ABCC1: variants seen among roughly 807,000 people sequenced by gnomAD.
The protein encoded by ABCC1 is ATP binding cassette subfamily C member 1 (ABCC1 blood group).
In ABCC1, 83 loss-of-function variants were observed where a neutral mutation model predicts 172.9. The observed-to-expected ratio is 0.48, with a 90% CI of 0.40 to 0.58. ABCC1 has a LOEUF of 0.58. Ranked by LOEUF, ABCC1 falls within the 20% of genes least tolerant of loss-of-function variation. The pLI, the probability that ABCC1 is intolerant of heterozygous loss-of-function variation, is 0.00. For missense variants in ABCC1, 1,817 were observed against 2,002.7 expected, an observed-to-expected ratio of 0.91 and a Z score of 1.77; for synonymous variants, 937 against 825.2, an observed-to-expected ratio of 1.14 and a Z score of -2.32.
intron 4 of ABCC1, among the ~76,000 whole-genome samples, chr16:16,015,374 G>A (rs528093806): frequency 7.9e-4 from 120 of 152,198 alleles, no homozygotes; most frequent in African/African-American, 2.6e-3. Context: ...ACTTGACTTC[G>A]TGATCCACCC....
At chr16:15,974,314 G>C (rs2046434982) in intron 1 of ABCC1, among the ~76,000 whole-genome samples, 1 of 152,146 alleles carries the variant, frequency 6.6e-6, no homozygotes, top group Admixed American at 6.6e-5. Flanking sequence ...AAGGCAGCTT[G>C]AGATTATCAG....
At chr16:16,105,538 G>A (rs2052044512) in intron 20 of ABCC1, 1 of 152,212 alleles carries the variant, frequency 6.6e-6, no homozygotes, top group Admixed American at 6.6e-5. Flanking sequence ...TTCAGGAAGT[G>A]TTTTCAGGGG....
rs200922662 is a variant in ABCC1, at chr16:16,131,855, C to T, written c.3886C>T (p.Arg1296Trp). Residue 1296 changes from arginine (R) to tryptophan (W), a missense_variant, in exon 27 of 31, where the codon CGG becomes TGG. Arg to Trp is a moderately radical substitution (Grantham distance 101). This residue lies in a region of ABCC1 where 1,412 missense variants were observed against 1,600.3 expected (regional missense o/e 0.88). Coordinates refer to ENST00000399410, the MANE Select transcript of ABCC1 (RefSeq NM_004996.4). ...SWPQVGRVEF[R>W]NYCLRYREDL... The stretch of plus-strand genomic sequence containing the variant: ...GCCCCAGGTGGGCCGAGTGGAATTC[C>T]GGAACTACTGCCTGCGCTACCGAGA... 200 of 1,614,154 alleles carry T rather than the reference C, an allele frequency of 1.2e-4. No individual in the cohort carries two copies. Among genetic ancestry groups the T allele is most frequent in the Middle Eastern group, 1.6e-4 (1 of 6,062 alleles).
Position 16,086,885 on chromosome 16 carries a change from A to G in ABCC1, c.2354A>G (p.Asn785Ser), listed in dbSNP as rs369801648. Residue 785 changes from asparagine (N) to serine (S), a missense_variant, in exon 18 of 31, where the codon AAC becomes AGC. Physicochemically the swap from Asn to Ser is conservative, Grantham distance 46. Transcript: ENST00000399410. ...AGCCTGGCCCGGGCCGTGTACTCCAACGCTGACATTTACCTCTTCGATGAT... is the reference window on the plus strand; with the variant it reads ...AGCCTGGCCCGGGCCGTGTACTCCAGCGCTGACATTTACCTCTTCGATGAT... The part of the protein sequence containing the change: ...RVSLARAVYS[N>S]ADIYLFDDPL... 3.1e-6 allele frequency: 5 copies of G among 1,614,212 alleles called. No homozygotes were observed. The highest frequency in any genetic ancestry group is 2.5e-6 in the Non-Finnish European group (3 of 1,180,054).
At chr16:16,082,484 A>T (rs1413125127) in intron 16 of ABCC1, among the ~76,000 whole-genome samples, 1 of 152,172 alleles carries the variant, frequency 6.6e-6, no homozygotes, top group Non-Finnish European at 1.5e-5. Flanking sequence ...ACACAAAACA[A>T]ATATCCTTAC....
At chr16:16,130,021 C>G (rs1036812502) in intron 26 of ABCC1, among the ~76,000 whole-genome samples, 1 of 152,254 alleles carries the variant, frequency 6.6e-6, no homozygotes, top group Non-Finnish European at 1.5e-5. Flanking sequence ...ACCAGTGAAC[C>G]TGGCCCAGGC....
intron 20 of ABCC1, among the ~76,000 whole-genome samples, chr16:16,105,228 A>G (rs1035467361): frequency 1.3e-5 from 2 of 152,216 alleles, no homozygotes; most frequent in African/African-American, 4.8e-5. Flanking sequence ...GAGACTCCAG[A>G]CAGTGCATGA....
Position 16,030,207 on chromosome 16 carries a change from C to T in ABCC1, c.616-2902C>T, listed in dbSNP as rs1026339020. Reference sequence around the variant, plus strand: ...ATCAGATGTTTCTCTTTATTTCCAGCGTCAATATGAAATTTGTGTACATAA... The same window carrying T: ...ATCAGATGTTTCTCTTTATTTCCAGTGTCAATATGAAATTTGTGTACATAA... On this transcript the variant is annotated intron_variant, in intron 5 of 30. Coordinates refer to ENST00000399410, the MANE Select transcript of ABCC1 (RefSeq NM_004996.4). Among the ~76,000 whole-genome samples the T allele has an allele frequency of 7.2e-5, 11 of 152,054 alleles. No individual in the cohort carries two copies. In the East Asian group the frequency reaches 9.7e-4, roughly 13 times the overall value.
At chr16:16,134,030 T>G (rs560095358) in intron 27 of ABCC1, among the ~76,000 whole-genome samples, 1 of 152,352 alleles carries the variant, frequency 6.6e-6, no homozygotes, top group East Asian at 1.9e-4. Context: ...TATTACTTAA[T>G]AGTTTCTTGA....
intron 1 of ABCC1, among the ~76,000 whole-genome samples, chr16:15,956,819 G>A (rs866843328): frequency 2.8e-4 from 42 of 152,122 alleles, no homozygotes; most frequent in Admixed American, 1.3e-4. Context: ...GAGGAGGAAG[G>A]GGAGGGGTTG....
chr16:16,070,525 T>C (rs2050303637), intron 13 of ABCC1, among the ~76,000 whole-genome samples: 1 of 151,864 alleles, frequency 6.6e-6, no homozygotes, highest in Non-Finnish European at 1.5e-5. Context: ...ATTAGCCAGG[T>C]GTGGTGGCAG....
chr16:16,122,307 C>T (rs1195979931), intron 24 of ABCC1, 133 bp downstream of exon 24: 4 of 939,678 alleles, frequency 4.3e-6, no homozygotes, highest in Admixed American at 4.7e-5. Flanking sequence ...GATGGAGAGG[C>T]TTGATGAGCG....
At position 16,014,556 on chromosome 16, in the gene ABCC1, C is replaced by T. The variant is rs372930912; in HGVS notation, c.417C>T (p.Leu139=). The T allele has an allele frequency of 1.4e-5, 22 of 1,614,050 alleles. No individual in the cohort carries two copies. Among genetic ancestry groups the T allele is most frequent in the African/African-American group, 2.7e-5 (2 of 74,946 alleles). ...GAGTTCAGTCTTCAGGGATCATGCT[C>T]ACTTTCTGGCTGGTAGCCCTAGTGT... is the stretch of plus-strand genomic sequence containing the variant. ...RKGVQSSGIM[L]TFWLVALVCA... The change falls in exon 4 of 31, where the codon CTC becomes CTT. Residue 139 remains leucine (L), a synonymous_variant. Coordinates refer to ENST00000399410, the MANE Select transcript of ABCC1 (RefSeq NM_004996.4).
intron 27 of ABCC1, 22 bp downstream of exon 27, chr16:16,131,957 C>T (rs371445814): frequency 2.5e-6 from 4 of 1,606,236 alleles, no homozygotes; most frequent in Non-Finnish European, 3.4e-6. Context: ...TCGCCCCATT[C>T]CCTCACCCAT....
chr16:15,995,494 C>G (rs1240293815), intron 1 of ABCC1, among the ~76,000 whole-genome samples: 3 of 146,382 alleles, frequency 2.0e-5, no homozygotes, highest in Non-Finnish European at 4.5e-5. Context: ...GCCATTTGCT[C>G]CCATTGGGCA....
rs1324068585 is a variant in ABCC1, at chr16:16,071,729, G to A, written c.1912G>A (p.Gly638Ser). Residue 638 changes from glycine to serine, a missense_variant and splice_region_variant, in exon 14 of 31, where the codon GGC becomes AGC. Physicochemically the swap from Gly to Ser is moderately conservative, Grantham distance 56 (BLOSUM62 0). Around this residue, in one of 3 missense-constraint regions of ABCC1, gnomAD observed 1,412 missense variants for 1,600.3 expected, o/e 0.88. Transcript: ENST00000399410. ...CATCGAGCGACGGCCTGTCAAAGAC[G>A]GTGTGTGTGTGTTCAGTCCTGGCTT... ...DSIERRPVKD[G>S]GGTNSITVRN... is the part of the protein sequence containing the mutation. 5 of 1,612,062 alleles carry A rather than the reference G, an allele frequency of 3.1e-6. No homozygotes were observed. Among genetic ancestry groups the A allele is most frequent in the Non-Finnish European group, 3.4e-6 (4 of 1,178,910 alleles).
At chr16:16,052,858 G>A (rs2049491038) in intron 11 of ABCC1, 42 bp downstream of exon 11, 2 of 1,587,336 alleles carry the variant, frequency 1.3e-6, no homozygotes, top group African/African-American at 2.7e-5. Flanking sequence ...CGGGCCCTAG[G>A]CAGAGGCCTC....
intron 23 of ABCC1, among the ~76,000 whole-genome samples, chr16:16,119,857 A>G (rs2045074191): frequency 6.6e-6 from 1 of 152,198 alleles, no homozygotes; most frequent in South Asian, 2.1e-4. Flanking sequence ...GAGGAAGGAG[A>G]TGTGGTCCAG....
At chr16:16,050,433 T>C (rs1456690533) in intron 10 of ABCC1, among the ~76,000 whole-genome samples, 3 of 151,616 alleles carry the variant, frequency 2.0e-5, no homozygotes, top group Admixed American at 6.6e-5. Flanking sequence ...CATACCAGCT[T>C]GGGCAACAGA....
Sources: gnomAD v4.1 joint callset for allele counts (sites outside exome capture counted in the v4.1 genomes callset) on GRCh38, gnomAD v4.1.1 for gene constraint, gnomAD v4.1.1 regional missense constraint, MANE v1.5 for transcripts, NCBI Gene and HGNC (gene_info 2026-07-23, HGNC 2026-07-21) for gene names.